SYNE1: variants seen among roughly 807,000 people sequenced by gnomAD.
SYNE1 encodes nesprin-1.
In SYNE1, 616 loss-of-function variants were observed where a neutral mutation model predicts 1,111.0. That is an observed-to-expected ratio of 0.55 (90% CI 0.52 to 0.59). The LOEUF (loss-of-function observed/expected upper bound fraction) is 0.59. Ranked by LOEUF, SYNE1 falls within the 20% of genes least tolerant of loss-of-function variation. SYNE1 has a pLI of 0.00. For synonymous variants in SYNE1, 3,855 were observed against 3,825.8 expected (o/e 1.01, Z -0.28); for missense variants, 10,006 against 10,417.0 (o/e 0.96, Z 1.72).
intron 3 of SYNE1, among the ~76,000 whole-genome samples, chr6:152,615,020 T>C (rs1425115282): frequency 1.3e-5 from 2 of 152,074 alleles, no homozygotes; most frequent in Non-Finnish European, 2.9e-5. Flanking sequence ...TTAGGAGAAA[T>C]ACCTAATGTA....
At chr6:152,570,824 A>G (rs1418343989) in intron 3 of SYNE1, among the ~76,000 whole-genome samples, 1 of 152,204 alleles carries the variant, frequency 6.6e-6, no homozygotes, top group Non-Finnish European at 1.5e-5. Flanking sequence ...TACCTCACTA[A>G]AGAGAAAGAC....
Position 152,401,309 on chromosome 6 carries a change from C to G in SYNE1, c.6858G>C (p.Glu2286Asp). The change falls in exon 47 of 146, where the codon GAG becomes GAC. Residue 2286 changes from glutamate to aspartate, a missense_variant. Coordinates refer to ENST00000367255, the MANE Select transcript of SYNE1 (RefSeq NM_182961.4). ...CTACTTCAGTTATTTCTTTGGCATG[C>G]TCCAGTTTCTGCATTAAGTCTGCTT... ...FIEADLMQKL[E>D]HAKEITEVAK... The G allele has an allele frequency of 6.2e-7, 1 of 1,613,956 alleles. No homozygotes were observed. Among genetic ancestry groups the G allele is most frequent in the Non-Finnish European group, 8.5e-7 (1 of 1,180,026 alleles).
At chr6:152,280,583 TTGGAA>T (rs1474122838) in intron 97 of SYNE1, among the ~76,000 whole-genome samples, 1 of 152,200 alleles carries the variant, frequency 6.6e-6, no homozygotes, top group East Asian at 1.9e-4. Context: ...TTTTAATACT[TTGGAA>T]AAGTATTGAA....
chr6:152,592,693 C>T (rs967324808), intron 3 of SYNE1, among the ~76,000 whole-genome samples: 1 of 152,112 alleles, frequency 6.6e-6, no homozygotes, highest in African/African-American at 2.4e-5. Flanking sequence ...GCACAGGTAC[C>T]CTCTGTATCT....
intron 14 of SYNE1, among the ~76,000 whole-genome samples, chr6:152,473,494 T>C (rs2098818343): frequency 6.6e-6 from 1 of 152,178 alleles, no homozygotes; most frequent in Admixed American, 6.5e-5. Context: ...TAGAAAAACC[T>C]TAGGGCCAAA....
chr6:152,502,766 G>T, intron 9 of SYNE1, 24 bp from the exon 10 acceptor site: 1 of 1,498,426 alleles, frequency 6.7e-7, no homozygotes, highest in Non-Finnish European at 9.3e-7. Context: ...AAAGAAATGT[G>T]AATAAACTAA....
chr6:152,257,497 C>T (rs1402278728), intron 101 of SYNE1, among the ~76,000 whole-genome samples: 2 of 152,202 alleles, frequency 1.3e-5, no homozygotes, highest in Non-Finnish European at 2.9e-5. Context: ...CACCACTGCA[C>T]TCCAGCGTGG....
intron 95 of SYNE1, among the ~76,000 whole-genome samples, chr6:152,285,382 T>A (rs1290809930): frequency 6.6e-6 from 1 of 152,230 alleles, no homozygotes; most frequent in African/African-American, 2.4e-5. Context: ...TACACTCTTG[T>A]TGCTCCAGTC....
chr6:152,354,154 A>T (rs1305164605), intron 67 of SYNE1, among the ~76,000 whole-genome samples: 1 of 152,178 alleles, frequency 6.6e-6, no homozygotes, highest in African/African-American at 2.4e-5. Context: ...AAAATTAAAT[A>T]AAATAAATAA....
chr6:152,180,603 T>C (rs1474186697), intron 128 of SYNE1, among the ~76,000 whole-genome samples: 1 of 132,918 alleles, frequency 7.5e-6, no homozygotes, highest in Non-Finnish European at 1.6e-5. Flanking sequence ...TGGAAAAGAG[T>C]AGGGAAAGAA....
rs772647830 is a variant in SYNE1, at chr6:152,510,185, A to G, written c.581+8T>C. ...GGTTTCAAATTTAGACAAACTCTTG[A>G]TACTTACTTGCCAGCTGTGTACTGA... On this transcript the variant is annotated splice_region_variant and intron_variant, in intron 8 of 145. Coordinates refer to ENST00000367255, the MANE Select transcript of SYNE1 (RefSeq NM_182961.4). 13 of 1,613,668 alleles carry G rather than the reference A, an allele frequency of 8.1e-6. No homozygotes were observed. Among genetic ancestry groups the G allele is most frequent in the Admixed American group, 1.7e-5 (1 of 59,990 alleles).
chr6:152,318,048 A>G (rs538876865), intron 86 of SYNE1, 33 bp downstream of exon 86: 1 of 1,613,880 alleles, frequency 6.2e-7, no homozygotes, highest in South Asian at 1.1e-5. Flanking sequence ...TTTCTGCCTT[A>G]CACGATTTGG....
intron 12 of SYNE1, among the ~76,000 whole-genome samples, chr6:152,487,392 T>G (rs1190718699): frequency 6.6e-6 from 1 of 152,234 alleles, no homozygotes; most frequent in Non-Finnish European, 1.5e-5. Context: ...TTCCTTTATA[T>G]GGCAGCCTAG....
chr6:152,331,504 A>C lies in SYNE1; in HGVS notation c.13181T>G (p.Leu4394Arg), dbSNP rs763501028. 37 of 1,614,006 alleles carry C rather than the reference A, an allele frequency of 2.3e-5. No homozygotes were observed. The highest frequency in any genetic ancestry group is 3.1e-5 in the Non-Finnish European group (37 of 1,180,004). The change falls in exon 78 of 146, where the codon CTG (leucine) becomes CGG (arginine). Residue 4394 changes from leucine to arginine, a missense_variant. By Grantham distance (102) the Leu-to-Arg change is moderately radical. Transcript: ENST00000367255. The part of the protein sequence containing the change: ...LMDHLAICSE[L>R]EAKQMLLKSL... Reference sequence around the variant, plus strand: ...TTTCAGGAGCATCTGCTTGGCCTCCAGTTCACTGCAGATGGCCAGGTGATC... The same window carrying C: ...TTTCAGGAGCATCTGCTTGGCCTCCCGTTCACTGCAGATGGCCAGGTGATC...
intron 95 of SYNE1, 44 bp downstream of exon 95, chr6:152,293,544 C>G: frequency 6.2e-7 from 1 of 1,610,482 alleles, no homozygotes; most frequent in Non-Finnish European, 8.5e-7. Flanking sequence ...CACAACAGTG[C>G]CTTATTCAAT....
chr6:152,306,548 A>G (rs1440441468), intron 91 of SYNE1, among the ~76,000 whole-genome samples: 1 of 151,570 alleles, frequency 6.6e-6, no homozygotes, highest in Non-Finnish European at 1.5e-5. Flanking sequence ...GTTGGTATAA[A>G]AAAGTGATGT....
At chr6:152,132,086 C>T (rs1263078745) in intron 144 of SYNE1, 36 bp downstream of exon 144, 1 of 1,594,646 alleles carries the variant, frequency 6.3e-7, no homozygotes, top group Non-Finnish European at 8.6e-7. Flanking sequence ...GTGTTCACTC[C>T]CATGGGCCAA....
At chr6:152,513,553 C>T (rs1455476999) in intron 6 of SYNE1, among the ~76,000 whole-genome samples, 8 of 152,062 alleles carry the variant, frequency 5.3e-5, no homozygotes, top group Non-Finnish European at 1.0e-4. Flanking sequence ...AGGCTGGTCT[C>T]GAACTCCTGA....
At chr6:152,524,112 T>A (rs1412645297) in intron 5 of SYNE1, among the ~76,000 whole-genome samples, 1 of 152,176 alleles carries the variant, frequency 6.6e-6, no homozygotes, top group Non-Finnish European at 1.5e-5. Context: ...AAAGTGAGCA[T>A]CCTTGTCTTG....
Sources: allele counts gnomAD v4.1 joint callset (sites outside exome capture counted in the v4.1 genomes callset), GRCh38; gene constraint gnomAD v4.1.1; transcripts MANE v1.5; gene names NCBI Gene and HGNC (gene_info 2026-07-23, HGNC 2026-07-21).